Variants in GAB2 observed in about 807,000 individuals in gnomAD.
The protein encoded by GAB2 is GRB2 associated binding protein 2, also known as GRB2-associated-binding protein 2.
In GAB2, 26 loss-of-function variants were observed where a neutral mutation model predicts 65.5. That is an observed-to-expected ratio of 0.40 (90% CI 0.29 to 0.55). The LOEUF is 0.55. GAB2 is among the 20% of genes least tolerant of loss of function. The pLI is 0.53. For missense variants in GAB2, 884 were observed against 875.8 expected (o/e 1.01, Z -0.12); for synonymous variants, 321 against 329.6 (o/e 0.97, Z 0.28).
chr11:78,393,804 G>A lies in GAB2; in HGVS notation c.75+23842C>T, dbSNP rs546241499. Among the ~76,000 whole-genome samples the A allele has an allele frequency of 2.0e-5, 3 of 152,318 alleles. No individual in the cohort carries two copies. In the South Asian group the frequency reaches 6.2e-4, roughly 32 times the overall value. On this transcript the variant is annotated intron_variant, in intron 1 of 9. Transcript: ENST00000361507. Reference sequence around the variant, plus strand: ...TTTATAGAGTGTTTACAATGTGCCTGGCATTATCATATTTAATACCACAGA... The same window carrying A: ...TTTATAGAGTGTTTACAATGTGCCTAGCATTATCATATTTAATACCACAGA...
chr11:78,356,625 C>T (rs953751174), intron 1 of GAB2, among the ~76,000 whole-genome samples: 2 of 152,080 alleles, frequency 1.3e-5, no homozygotes, highest in Non-Finnish European at 2.9e-5. Flanking sequence ...ATGACACTCC[C>T]AAAGAAAACA....
At chr11:78,355,867 C>G (rs1856351046) in intron 1 of GAB2, among the ~76,000 whole-genome samples, 1 of 151,946 alleles carries the variant, frequency 6.6e-6, no homozygotes, top group African/African-American at 2.4e-5. Flanking sequence ...TTAGCCAACT[C>G]ATCTTTAAGA....
At chr11:78,237,350 G>A (rs1253549757) in intron 3 of GAB2, among the ~76,000 whole-genome samples, 1 of 152,076 alleles carries the variant, frequency 6.6e-6, no homozygotes, top group Non-Finnish European at 1.5e-5. Flanking sequence ...GTACTACTGA[G>A]GAATAAAAAG....
chr11:78,417,703 G>T lies in GAB2; in HGVS notation c.18C>A (p.Asp6Glu). The change falls in exon 1 of 10, where the codon GAC becomes GAA. Residue 6 changes from aspartate to glutamate, a missense_variant. Asp to Glu is a conservative substitution (Grantham distance 45). Coordinates refer to ENST00000361507, the MANE Select transcript of GAB2 (RefSeq NM_080491.3). Reference protein sequence around the residue: MSGGGDVVCTGWLRKS... With the variant: MSGGGEVVCTGWLRKS... ...TCCTCAGCCAGCCGGTGCACACCAC[G>T]TCGCCGCCGCCGCTCATGCTGCCGG... 1 of 1,349,892 alleles carries T rather than the reference G, an allele frequency of 7.4e-7. No homozygotes were observed. The highest frequency in any genetic ancestry group is 1.4e-5 in the South Asian group (1 of 69,952). The allele number at this position is 1,349,892 out of a possible 1,614,324, so 83.6% of individuals were successfully genotyped here.
At chr11:78,298,606 C>G (rs895549439) in intron 1 of GAB2, among the ~76,000 whole-genome samples, 9 of 152,174 alleles carry the variant, frequency 5.9e-5, no homozygotes, top group Admixed American at 4.6e-4. Context: ...GGGGAATTAC[C>G]TCTCCCATTG....
chr11:78,321,692 T>C (rs145296295), intron 1 of GAB2, among the ~76,000 whole-genome samples: 8 of 152,240 alleles, frequency 5.3e-5, no homozygotes, highest in African/African-American at 1.9e-4. Context: ...CATTTAAAAA[T>C]TGACATGTTC....
chr11:78,354,231 G>A (rs372856479), intron 1 of GAB2, among the ~76,000 whole-genome samples: 1 of 152,134 alleles, frequency 6.6e-6, no homozygotes, highest in South Asian at 2.1e-4. Flanking sequence ...TAATCATCAG[G>A]TGGCAGGCTG....
chr11:78,243,688 A>C (rs1865210405), intron 3 of GAB2, among the ~76,000 whole-genome samples: 1 of 151,018 alleles, frequency 6.6e-6, no homozygotes. Context: ...AAAATACAAA[A>C]AAAAAATTAG....
intron 1 of GAB2, among the ~76,000 whole-genome samples, chr11:78,409,414 G>GT (rs1237430134): frequency 6.6e-6 from 1 of 152,066 alleles, no homozygotes; most frequent in African/African-American, 2.4e-5. Context: ...GAGAAACCCT[G>GT]TCTCTATTAA....
intron 2 of GAB2, among the ~76,000 whole-genome samples, chr11:78,251,069 C>T (rs1023609900): frequency 6.6e-5 from 10 of 151,334 alleles, no homozygotes; most frequent in African/African-American, 2.2e-4. Context: ...ACCCATGTAA[C>T]ACACTTGCAC....
chr11:78,415,939 C>CTTTTTTT (rs1303081510), intron 1 of GAB2, among the ~76,000 whole-genome samples: 12 of 129,002 alleles, frequency 9.3e-5, no homozygotes, highest in African/African-American at 2.8e-4. Flanking sequence ...TTAAGGGTCA[C>CTTTTTTT]TTTTTTTTTT....
chr11:78,374,614 T>A (rs775881485), intron 1 of GAB2, among the ~76,000 whole-genome samples: 4 of 152,248 alleles, frequency 2.6e-5, no homozygotes, highest in Admixed American at 2.0e-4. Flanking sequence ...TTACGCTGAA[T>A]GCTAAAAATA....
chr11:78,414,172 C>G (rs1418336574), intron 1 of GAB2, among the ~76,000 whole-genome samples: 1 of 151,034 alleles, frequency 6.6e-6, no homozygotes, highest in South Asian at 2.1e-4. Flanking sequence ...ATCGTACGTA[C>G]AGACAACTAC....
intron 1 of GAB2, among the ~76,000 whole-genome samples, chr11:78,291,548 CTTTTTTCTTTTTCTTTTTTTTTTTTTTT>C (rs1241543652): frequency 1.5e-5 from 1 of 66,288 alleles, no homozygotes; most frequent in East Asian, 4.1e-4. Flanking sequence ...GAGAGACTTA[CTTTTTTCTTTTTCTTTTTTTTTTTTTTT>C]TTTTTTTTTT....
Position 78,222,210 on chromosome 11 carries a change from G to C in GAB2, c.1568-15C>G. The stretch of plus-strand genomic sequence containing the variant: ...TGTTGGCTTTGCTGGAGCAGGAAAA[G>C]AAAGTCTGGTAATCAGCCAGTAATG... On this transcript the variant is annotated splice_polypyrimidine_tract_variant and intron_variant, in intron 6 of 9. Coordinates refer to ENST00000361507, the MANE Select transcript of GAB2 (RefSeq NM_080491.3). 6.3e-7 allele frequency: 1 copy of C among 1,580,322 alleles called. No homozygotes were observed. The highest frequency in any genetic ancestry group is 8.7e-7 in the Non-Finnish European group (1 of 1,149,196).
intron 2 of GAB2, among the ~76,000 whole-genome samples, chr11:78,266,463 G>A (rs962251653): frequency 6.6e-6 from 1 of 151,924 alleles, no homozygotes; most frequent in Non-Finnish European, 1.5e-5. Flanking sequence ...TGAATTTACT[G>A]AGAAAATCCC....
intron 1 of GAB2, among the ~76,000 whole-genome samples, chr11:78,406,426 G>A (rs911554673): frequency 2.0e-5 from 3 of 151,570 alleles, no homozygotes; most frequent in African/African-American, 7.3e-5. Flanking sequence ...TGCCCAGGTT[G>A]GAGTGCAATG....
intron 1 of GAB2, among the ~76,000 whole-genome samples, chr11:78,380,579 G>T: frequency 6.6e-6 from 1 of 152,130 alleles, no homozygotes; most frequent in East Asian, 1.9e-4. Context: ...GCATTCAAAG[G>T]CCTCTATAAC....
chr11:78,404,408 C>T (rs1024741795), intron 1 of GAB2, among the ~76,000 whole-genome samples: 8 of 152,066 alleles, frequency 5.3e-5, no homozygotes, highest in African/African-American at 9.7e-5. Flanking sequence ...TTAGCCAGGC[C>T]GGGTGGCGCA....
Sources: gnomAD v4.1 joint callset for allele counts (sites outside exome capture counted in the v4.1 genomes callset) on GRCh38, gnomAD v4.1.1 for gene constraint, MANE v1.5 for transcripts, NCBI Gene and HGNC (gene_info 2026-07-23, HGNC 2026-07-21) for gene names.